AOPEP: variants seen among roughly 807,000 people sequenced by gnomAD.
The protein encoded by AOPEP is aminopeptidase O.
In AOPEP, 77 loss-of-function variants were observed where a neutral mutation model predicts 98.1. The observed-to-expected ratio is 0.78, with a 90% CI of 0.65 to 0.95. The LOEUF is 0.95. AOPEP is among the 40% of genes least tolerant of loss of function. The pLI, the probability that AOPEP is intolerant of heterozygous loss-of-function variation, is 0.00. For synonymous variants in AOPEP, 346 were observed against 365.3 expected (o/e 0.95, Z 0.60); for missense variants, 1,024 against 1,024.7 (o/e 1.00, Z 0.01).
intron 7 of AOPEP, among the ~76,000 whole-genome samples, chr9:94,944,600 T>C (rs1173669178): frequency 6.6e-6 from 1 of 152,218 alleles, no homozygotes; most frequent in Non-Finnish European, 1.5e-5. Flanking sequence ...GGTCTTACTC[T>C]GTCCCCGAGG....
the AOPEP span, among the ~76,000 whole-genome samples, chr9:95,106,082 C>A: frequency 6.6e-6 from 1 of 152,228 alleles, no homozygotes; most frequent in Non-Finnish European, 1.5e-5. Context: ...AATGTCCCCA[C>A]CGGGAAGCAT....
intron 6 of AOPEP, among the ~76,000 whole-genome samples, chr9:94,926,752 T>C (rs1248415412): frequency 7.1e-6 from 1 of 140,482 alleles, no homozygotes; most frequent in African/African-American, 2.7e-5. Context: ...CTTTGCTGCC[T>C]GGGAGACTGT....
At chr9:94,976,475 C>T (rs1225269083) in intron 10 of AOPEP, among the ~76,000 whole-genome samples, 2 of 152,116 alleles carry the variant, frequency 1.3e-5, no homozygotes, top group African/African-American at 2.4e-5. Context: ...GCAATTAAGT[C>T]GCTCCTCGGA....
At chr9:95,083,767 G>A (rs1046732474) in intron 16 of AOPEP, among the ~76,000 whole-genome samples, 4 of 152,210 alleles carry the variant, frequency 2.6e-5, no homozygotes, top group South Asian at 2.1e-4. Context: ...CACAGCACAC[G>A]TGGCATATGG....
intron 5 of AOPEP, among the ~76,000 whole-genome samples, chr9:94,806,401 G>A (rs908625530): frequency 2.0e-5 from 3 of 152,130 alleles, no homozygotes; most frequent in African/African-American, 4.8e-5. Context: ...TCAAACAGGT[G>A]GGTGTGAATG....
chr9:94,918,770 T>G (rs973222952), intron 5 of AOPEP, among the ~76,000 whole-genome samples: 12 of 152,328 alleles, frequency 7.9e-5, no homozygotes, highest in Admixed American at 2.0e-4. Context: ...GAGCAGTCAG[T>G]CTTCAGAAGG....
At chr9:94,853,229 G>T (rs755116055) in intron 5 of AOPEP, among the ~76,000 whole-genome samples, 1 of 152,202 alleles carries the variant, frequency 6.6e-6, no homozygotes, top group African/African-American at 2.4e-5. Flanking sequence ...GGAGGCCGAC[G>T]TGGGCAGATC....
chr9:94,780,117 A>G (rs1169896077), intron 3 of AOPEP, among the ~76,000 whole-genome samples: 1 of 152,182 alleles, frequency 6.6e-6, no homozygotes, highest in Non-Finnish European at 1.5e-5. Context: ...TTATTGGATC[A>G]TGGCCATTGT....
chr9:95,126,786 G>A, the AOPEP span: 2 of 585,316 alleles, frequency 3.4e-6, no homozygotes, highest in Non-Finnish European at 6.2e-6. Flanking sequence ...GGGGTTACAG[G>A]CAGCTTATTC....
At chr9:95,120,880 T>G in the AOPEP span, among the ~76,000 whole-genome samples, 1 of 152,222 alleles carries the variant, frequency 6.6e-6, no homozygotes, top group African/African-American at 2.4e-5. Context: ...TCAATTTTTT[T>G]GTTCCTTTGG....
At chr9:94,738,557 C>T (rs1462045952) in intron 1 of AOPEP, among the ~76,000 whole-genome samples, 1 of 151,890 alleles carries the variant, frequency 6.6e-6, no homozygotes, top group Admixed American at 6.6e-5. Flanking sequence ...CAGAAAAGGA[C>T]ACGAGAAAAA....
At chr9:95,098,138 G>T in the AOPEP span, among the ~76,000 whole-genome samples, 9 of 152,168 alleles carry the variant, frequency 5.9e-5, no homozygotes, top group Admixed American at 5.9e-4. Context: ...CTCCCACTGT[G>T]CAAATCCTCC....
At chr9:94,848,234 C>A (rs1022641928) in intron 5 of AOPEP, among the ~76,000 whole-genome samples, 6 of 152,052 alleles carry the variant, frequency 3.9e-5, no homozygotes, top group African/African-American at 1.4e-4. Context: ...GGGCGGGTCA[C>A]AAGGTCAGGA....
At chr9:94,911,110 C>A (rs576475323) in intron 5 of AOPEP, among the ~76,000 whole-genome samples, 1 of 152,160 alleles carries the variant, frequency 6.6e-6, no homozygotes, top group East Asian at 1.9e-4. Context: ...CCTGGAAGAC[C>A]CCAGTACCTC....
chr9:95,022,106 T>C (rs1168491651), intron 13 of AOPEP: 1 of 152,226 alleles, frequency 6.6e-6, no homozygotes, highest in Non-Finnish European at 1.5e-5. Flanking sequence ...TTTTTGTTTT[T>C]CTTTGTATCA....
intron 11 of AOPEP, among the ~76,000 whole-genome samples, chr9:94,979,715 A>G (rs917267103): frequency 2.0e-5 from 3 of 152,078 alleles, no homozygotes; most frequent in Non-Finnish European, 2.9e-5. Context: ...TTTTGGGTGG[A>G]ACCACCAGCC....
intron 13 of AOPEP, among the ~76,000 whole-genome samples, chr9:95,041,298 T>A (rs1317262128): frequency 6.6e-6 from 1 of 152,048 alleles, no homozygotes; most frequent in African/African-American, 2.4e-5. Flanking sequence ...GAAATGGCCT[T>A]ATGAGAAGAT....
chr9:94,824,250 C>G (rs1203604514), intron 5 of AOPEP: 1 of 152,190 alleles, frequency 6.6e-6, no homozygotes, highest in Non-Finnish European at 1.5e-5. Flanking sequence ...AGCCTTTAGT[C>G]TTTAGTTTTG....
At chr9:94,773,646 A>G (rs1841384693) in intron 3 of AOPEP, among the ~76,000 whole-genome samples, 1 of 152,250 alleles carries the variant, frequency 6.6e-6, no homozygotes, top group Non-Finnish European at 1.5e-5. Context: ...TTCTGAACCA[A>G]AGGTGTATAA....
Sources: allele counts gnomAD v4.1 joint callset (sites outside exome capture counted in the v4.1 genomes callset), GRCh38; gene constraint gnomAD v4.1.1; transcripts MANE v1.5; gene names NCBI Gene and HGNC (gene_info 2026-07-23, HGNC 2026-07-21).